Variants in ASF1B observed in about 807,000 individuals in gnomAD.
ASF1B encodes the protein anti-silencing function 1B histone chaperone, also known as histone chaperone ASF1B.
ASF1B carries 10 observed loss-of-function variants against 16.6 expected under a neutral mutation model. The ratio of observed to expected loss-of-function variants is 0.60; its 90% CI spans 0.37 to 1.02. The LOEUF (loss-of-function observed/expected upper bound fraction) is 1.02, where lower values mean the gene tolerates loss of function less well. ASF1B is among the 50% of genes least tolerant of loss of function. The probability of loss-of-function intolerance (pLI) is 0.01; values close to 1 mark genes in which losing one functional copy is unlikely to be tolerated. For missense variants in ASF1B, 240 were observed against 266.0 expected, an observed-to-expected ratio of 0.90 and a Z score of 0.68; for synonymous variants, 101 against 106.2, an observed-to-expected ratio of 0.95 and a Z score of 0.30.
At chr19:14,134,152 A>T (rs1402627718) in intron 1 of ASF1B, among the ~76,000 whole-genome samples, 2 of 151,958 alleles carry the variant, frequency 1.3e-5, no homozygotes, top group African/African-American at 4.8e-5. Context: ...TTGAAACCTG[A>T]TCTCCTGCCG....
At chr19:14,130,429 G>A (rs1412424011) in intron 1 of ASF1B, among the ~76,000 whole-genome samples, 1 of 151,520 alleles carries the variant, frequency 6.6e-6, no homozygotes, top group African/African-American at 2.4e-5. Context: ...AGCTACTTAG[G>A]AAGCTGAGGT....
At chr19:14,120,736 C>G (rs1034072490) in intron 3 of ASF1B, 71 bp from the exon 4 acceptor site, 39 of 1,440,490 alleles carry the variant, frequency 2.7e-5, no homozygotes, top group Non-Finnish European at 3.6e-5. Flanking sequence ...CCAGGACACC[C>G]CCAATCACCC....
intron 1 of ASF1B, among the ~76,000 whole-genome samples, chr19:14,127,941 A>G (rs1967343434): frequency 1.3e-5 from 2 of 152,030 alleles, no homozygotes. Flanking sequence ...CCCAGCCTCA[A>G]ACCCTAACTC....
At chr19:14,124,828 G>C (rs7249561) in intron 2 of ASF1B, among the ~76,000 whole-genome samples, 2 of 152,170 alleles carry the variant, frequency 1.3e-5, no homozygotes, top group Non-Finnish European at 2.9e-5. Flanking sequence ...GGCACCCAAC[G>C]GTAGTGCTGA....
chr19:14,126,808 T>C (rs186752754), intron 1 of ASF1B, among the ~76,000 whole-genome samples: 3 of 152,342 alleles, frequency 2.0e-5, no homozygotes, highest in Admixed American at 2.0e-4. Flanking sequence ...GGTTTCACCA[T>C]GTTGGCCAAG....
intron 2 of ASF1B, among the ~76,000 whole-genome samples, chr19:14,125,304 G>A (rs1448618791): frequency 1.3e-5 from 2 of 151,474 alleles, no homozygotes; most frequent in African/African-American, 2.4e-5. Context: ...ACAAGTTTAC[G>A]TATTAACCAG....
intron 1 of ASF1B, among the ~76,000 whole-genome samples, chr19:14,129,980 G>A (rs1271349946): frequency 1.3e-5 from 2 of 151,684 alleles, no homozygotes; most frequent in African/African-American, 2.4e-5. Context: ...ACTCCAGCCT[G>A]GGTGACAGAG....
chr19:14,124,133 T>C (rs1366062566), intron 2 of ASF1B, among the ~76,000 whole-genome samples: 1 of 152,000 alleles, frequency 6.6e-6, no homozygotes, highest in East Asian at 1.9e-4. Flanking sequence ...TAGCTGGCAC[T>C]ACAGGCCTGC....
chr19:14,135,470 G>T (rs898412655), intron 1 of ASF1B, among the ~76,000 whole-genome samples: 3 of 152,132 alleles, frequency 2.0e-5, no homozygotes, highest in African/African-American at 7.2e-5. Context: ...TCAAGCATAG[G>T]GGGGTTGGGC....
intron 2 of ASF1B, among the ~76,000 whole-genome samples, chr19:14,122,055 C>T (rs1439368767): frequency 1.3e-5 from 2 of 151,836 alleles, no homozygotes; most frequent in African/African-American, 4.8e-5. Flanking sequence ...CTCAGCCTCC[C>T]GAGTAGCTGG....
Position 14,136,547 on chromosome 19 carries a change from G to T in ASF1B, c.-91C>A. 1 of 1,048,134 alleles carries T rather than the reference G, an allele frequency of 9.5e-7. No individual in the cohort carries two copies. The highest frequency in any genetic ancestry group is 1.5e-5 in the South Asian group (1 of 65,420). 64.9% of individuals were successfully genotyped at this position (1,048,134 alleles called of 1,614,324 possible). ...CCGGTGGGGTCAGTGGGGTAGGGCT[G>T]ACCAGGTCCACTCCCGCCTCTTCTC... On this transcript the variant is annotated 5_prime_UTR_variant, in exon 1 of 4. Coordinates refer to ENST00000263382, the MANE Select transcript of ASF1B (RefSeq NM_018154.3).
intron 1 of ASF1B, among the ~76,000 whole-genome samples, chr19:14,132,394 T>C (rs1409685043): frequency 2.0e-5 from 3 of 152,042 alleles, no homozygotes; most frequent in Non-Finnish European, 2.9e-5. Context: ...CCCTTTTTCA[T>C]GGAGAGGAGT....
intron 1 of ASF1B, among the ~76,000 whole-genome samples, chr19:14,127,099 T>TA (rs1218966135): frequency 2.6e-5 from 4 of 152,208 alleles, no homozygotes; most frequent in Non-Finnish European, 4.4e-5. Context: ...GTGGTAATTT[T>TA]AGACAGATCC....
chr19:14,125,456 G>C (rs948639983), intron 2 of ASF1B, among the ~76,000 whole-genome samples: 2 of 150,642 alleles, frequency 1.3e-5, no homozygotes, highest in African/African-American at 4.9e-5. Flanking sequence ...ATCAGTGGCA[G>C]CTTTGACACA....
intron 3 of ASF1B, 118 bp from the exon 4 acceptor site, chr19:14,120,783 T>G: frequency 1.3e-6 from 1 of 772,486 alleles, no homozygotes; most frequent in South Asian, 1.6e-5. Flanking sequence ...CATATGGAAC[T>G]CCAGAAAACA....
chr19:14,126,064 G>T, intron 2 of ASF1B, 58 bp downstream of exon 2: 2 of 1,359,516 alleles, frequency 1.5e-6, no homozygotes, highest in Non-Finnish European at 2.0e-6. Context: ...GGGATTTCAG[G>T]TAAAAGAGGA....
At chr19:14,131,625 G>A (rs1185864013) in intron 1 of ASF1B, among the ~76,000 whole-genome samples, 1 of 151,596 alleles carries the variant, frequency 6.6e-6, no homozygotes, top group East Asian at 1.9e-4. Flanking sequence ...TGGGACTACA[G>A]GCGCCCGCCA....
At chr19:14,121,796 C>G in intron 2 of ASF1B, 88 bp from the exon 3 acceptor site, 2 of 1,275,198 alleles carry the variant, frequency 1.6e-6, no homozygotes, top group African/African-American at 3.0e-5. Context: ...CATGTATTTA[C>G]TGAGCAAAAA....
At position 14,136,428 on chromosome 19, in the gene ASF1B, G is replaced by C; in HGVS notation, c.29C>G (p.Ala10Gly). 1 of 1,613,606 alleles carries C rather than the reference G, an allele frequency of 6.2e-7. No homozygotes were observed. The highest frequency in any genetic ancestry group is 8.5e-7 in the Non-Finnish European group (1 of 1,179,652). ...GAAAGGGCTCGGGTTCTCCAGGACC[G>C]CCACGTTCAGCACCGACACCTTGGC... is the stretch of plus-strand genomic sequence containing the variant. The part of the protein sequence containing the change: MAKVSVLNV[A>G]VLENPSPFHS... The change falls in exon 1 of 4, where the codon GCG becomes GGG. Residue 10 changes from alanine (A) to glycine (G), a missense_variant. Coordinates refer to ENST00000263382, the MANE Select transcript of ASF1B (RefSeq NM_018154.3).
Sources: allele counts gnomAD v4.1 joint callset (sites outside exome capture counted in the v4.1 genomes callset), GRCh38; gene constraint gnomAD v4.1.1; transcripts MANE v1.5; gene names NCBI Gene and HGNC (gene_info 2026-07-23, HGNC 2026-07-21).